The following WWOX variants were observed in gnomAD, a reference collection of about 807,000 sequenced individuals.
The protein encoded by WWOX is WW domain-containing oxidoreductase.
In WWOX, 69 loss-of-function variants were observed where a neutral mutation model predicts 46.2. The ratio of observed to expected loss-of-function variants is 1.49; its 90% confidence interval spans 1.23 to 1.82. The LOEUF is 1.82. Ranked by LOEUF, WWOX falls within the 40% of genes most tolerant of loss-of-function variation. The pLI, the probability that WWOX is intolerant of heterozygous loss-of-function variation, is 0.00. For missense variants in WWOX, 919 were observed against 542.6 expected (o/e 1.69, Z -6.89); for synonymous variants, 359 against 202.6 (o/e 1.77, Z -6.56).
chr16:78,749,308 A>C (rs1463110770), intron 8 of WWOX, among the ~76,000 whole-genome samples: 2 of 152,228 alleles, frequency 1.3e-5, no homozygotes, highest in Non-Finnish European at 2.9e-5. Flanking sequence ...CCCTACAGAG[A>C]GGAAAGGGGA....
intron 5 of WWOX, among the ~76,000 whole-genome samples, chr16:78,324,612 T>C (rs2080568824): frequency 6.6e-6 from 1 of 152,190 alleles, no homozygotes; most frequent in African/African-American, 2.4e-5. Flanking sequence ...TTCATAAAAA[T>C]GGACAAAGTC....
intron 5 of WWOX, among the ~76,000 whole-genome samples, chr16:78,370,933 T>C (rs1419347146): frequency 2.6e-5 from 4 of 151,270 alleles, no homozygotes; most frequent in Non-Finnish European, 4.4e-5. Flanking sequence ...TTTCCTGACA[T>C]AGAGAACGTT....
intron 8 of WWOX, among the ~76,000 whole-genome samples, chr16:78,858,993 T>A (rs1423664509): frequency 2.5e-4 from 17 of 66,672 alleles, no homozygotes; most frequent in Middle Eastern, 8.9e-3. Context: ...TCTACTAGTT[T>A]TGAAATTTAA....
At chr16:78,107,761 G>A (rs1205332408) in intron 1 of WWOX, among the ~76,000 whole-genome samples, 1 of 152,126 alleles carries the variant, frequency 6.6e-6, no homozygotes, top group Non-Finnish European at 1.5e-5. Flanking sequence ...CTTGAGTCCA[G>A]GAGTTCCAGT....
In WWOX at chr16:78,608,415, C is replaced by G. The variant is rs559796221; in HGVS notation, c.1056+175663C>G. Among the ~76,000 whole-genome samples the G allele has an allele frequency of 8.5e-5, 13 of 152,330 alleles. No homozygotes were observed. The East Asian group carries it at 1.9e-3, about 23-fold the overall frequency. The stretch of plus-strand genomic sequence containing the variant: ...AAATGCCTGTGCTACATAACTGTCT[C>G]CTTACTCTGTGCTCTTGCCCCAGGC... On this transcript the variant is annotated intron_variant, in intron 8 of 8. Transcript: ENST00000566780.
At chr16:78,423,777 T>C (rs1320751544) in intron 6 of WWOX, among the ~76,000 whole-genome samples, 1 of 151,684 alleles carries the variant, frequency 6.6e-6, no homozygotes, top group African/African-American at 2.4e-5. Context: ...GCCTGGGAGT[T>C]TGAGACTGCA....
chr16:78,384,683 A>C (rs927133051), intron 5 of WWOX, among the ~76,000 whole-genome samples: 1 of 152,098 alleles, frequency 6.6e-6, no homozygotes, highest in Non-Finnish European at 1.5e-5. Flanking sequence ...GATCAGGTTC[A>C]TGTTTCTCCT....
intron 8 of WWOX, among the ~76,000 whole-genome samples, chr16:78,533,369 G>T (rs1399411435): frequency 6.6e-6 from 1 of 150,864 alleles, no homozygotes; most frequent in East Asian, 2.0e-4. Context: ...GGAAGAAAAA[G>T]AATTGTCTTT....
chr16:78,218,808 C>G (rs923514335), intron 5 of WWOX, among the ~76,000 whole-genome samples: 11 of 152,214 alleles, frequency 7.2e-5, no homozygotes, highest in Non-Finnish European at 1.5e-4. Flanking sequence ...TACGTGCTAT[C>G]TGTAGGGACA....
chr16:79,027,861 G>C (rs908633690), intron 8 of WWOX, among the ~76,000 whole-genome samples: 1 of 151,838 alleles, frequency 6.6e-6, no homozygotes, highest in Admixed American at 6.6e-5. Flanking sequence ...CATAGAAACA[G>C]CACGTGTCTT....
intron 8 of WWOX, among the ~76,000 whole-genome samples, chr16:79,211,051 G>GTGTGTGTC (rs1310528680): frequency 1.3e-5 from 2 of 151,968 alleles, no homozygotes; most frequent in Non-Finnish European, 2.9e-5. Flanking sequence ...GTGTGTGTGT[G>GTGTGTGTC]TGTGTGCATT....
intron 8 of WWOX, among the ~76,000 whole-genome samples, chr16:78,683,856 G>A (rs935129797): frequency 6.6e-6 from 1 of 152,084 alleles, no homozygotes; most frequent in African/African-American, 2.4e-5. Flanking sequence ...GGCGTCTTTG[G>A]TCACAAGGAA....
intron 8 of WWOX, among the ~76,000 whole-genome samples, chr16:78,960,779 A>C (rs558205098): frequency 6.6e-6 from 1 of 152,224 alleles, no homozygotes; most frequent in Admixed American, 6.5e-5. Context: ...TTCTCTATTT[A>C]GTCACCTTAT....
At chr16:79,199,337 A>C (rs1173398686) in intron 8 of WWOX, among the ~76,000 whole-genome samples, 1 of 152,168 alleles carries the variant, frequency 6.6e-6, no homozygotes, top group Non-Finnish European at 1.5e-5. Flanking sequence ...TGTTGAGATC[A>C]CAGGTGTGAG....
intron 5 of WWOX, among the ~76,000 whole-genome samples, chr16:78,189,313 C>A (rs1398809568): frequency 1.3e-5 from 2 of 152,246 alleles, no homozygotes; most frequent in African/African-American, 4.8e-5. Flanking sequence ...TAGTCCCGCC[C>A]CGAGGGGTTT....
At chr16:79,172,295 G>A (rs1482021676) in intron 8 of WWOX, among the ~76,000 whole-genome samples, 2 of 152,192 alleles carry the variant, frequency 1.3e-5, no homozygotes, top group Non-Finnish European at 2.9e-5. Context: ...ACGTAGGAAT[G>A]TATTAAATGC....
intron 8 of WWOX, among the ~76,000 whole-genome samples, chr16:79,127,195 T>C (rs1275225100): frequency 6.6e-6 from 1 of 152,000 alleles, no homozygotes; most frequent in Non-Finnish European, 1.5e-5. Flanking sequence ...TGTATACATA[T>C]ACACACACAC....
intron 8 of WWOX, among the ~76,000 whole-genome samples, chr16:79,107,652 T>C (rs1012267765): frequency 2.6e-5 from 4 of 152,218 alleles, no homozygotes; most frequent in African/African-American, 4.8e-5. Flanking sequence ...CCCTTCGTAA[T>C]AGGCGACATG....
chr16:79,043,457 C>T (rs1412974105), intron 8 of WWOX, among the ~76,000 whole-genome samples: 1 of 152,152 alleles, frequency 6.6e-6, no homozygotes, highest in Non-Finnish European at 1.5e-5. Context: ...AAAATAGCTT[C>T]AGGGAGGAAA....
Sources: gnomAD v4.1 joint callset for allele counts (sites outside exome capture counted in the v4.1 genomes callset) on GRCh38, gnomAD v4.1.1 for gene constraint, MANE v1.5 for transcripts, NCBI Gene and HGNC (gene_info 2026-07-23, HGNC 2026-07-21) for gene names.